The following DNASE2 variants were observed in gnomAD, a reference collection of about 807,000 sequenced individuals.
DNASE2 encodes deoxyribonuclease-2-alpha.
Under a neutral mutation model 29.8 loss-of-function variants are expected in DNASE2, and 26 were observed. That is an observed-to-expected ratio of 0.87 (90% CI 0.64 to 1.21). The LOEUF is 1.21. Ranked by LOEUF, DNASE2 falls within the 50% of genes most tolerant of loss-of-function variation. The probability of loss-of-function intolerance (pLI) is 0.00; values close to 1 mark genes in which losing one functional copy is unlikely to be tolerated. For missense variants in DNASE2, 415 were observed against 455.6 expected (o/e 0.91, Z 0.81); for synonymous variants, 186 against 193.5 (o/e 0.96, Z 0.32).
Position 12,880,810 on chromosome 19 carries a change from T to C in DNASE2, c.338A>G (p.His113Arg). The C allele has an allele frequency of 6.2e-7, 1 of 1,614,216 alleles. No individual in the cohort carries two copies. The highest frequency in any genetic ancestry group is 8.5e-7 in the Non-Finnish European group (1 of 1,180,020). The change falls in exon 3 of 6, where the codon CAC becomes CGC. Residue 113 changes from histidine (H) to arginine (R), a missense_variant. Coordinates refer to ENST00000222219, the MANE Select transcript of DNASE2 (RefSeq NM_001375.3). ...SKAQDSSMRG[H>R]TKGVLLLDHD... ...CCCAATCCAGGCCTCACCCTTCGTG[T>C]GCCCACGCATGGAAGAGTCCTGAGC...
intron 5 of DNASE2, 31 bp downstream of exon 5, chr19:12,878,351 G>A (rs1056699939): frequency 3.7e-6 from 6 of 1,611,708 alleles, no homozygotes; most frequent in Non-Finnish European, 5.1e-6. Flanking sequence ...TGCAGAGAAG[G>A]AGCTCTCCAA....
chr19:12,880,967 T>C lies in DNASE2; in HGVS notation c.267+5A>G. On this transcript the variant is annotated splice_donor_5th_base_variant and intron_variant, in intron 2 of 5. Coordinates refer to ENST00000222219, the MANE Select transcript of DNASE2 (RefSeq NM_001375.3). ...CGCCCCTAGTTGGCCCGGGGCCCCC[T>C]TCACCTGGCTGGTGTTGCTCCGGTA... 4 of 1,614,190 alleles carry C rather than the reference T, an allele frequency of 2.5e-6. No individual in the cohort carries two copies. Among genetic ancestry groups the C allele is most frequent in the Non-Finnish European group, 3.4e-6 (4 of 1,180,036 alleles).
At position 12,875,976 on chromosome 19, in the gene DNASE2, C is replaced by A; in HGVS notation, c.*14G>T. The A allele has an allele frequency of 6.2e-7, 1 of 1,612,264 alleles. No homozygotes were observed. Among genetic ancestry groups the A allele is most frequent in the Non-Finnish European group, 8.5e-7 (1 of 1,180,018 alleles). ...GGGATTACATACGTGAGCCACTGCA[C>A]CTGGCCATAAGGGTTAGATCTTATA... is the stretch of plus-strand genomic sequence containing the variant. On this transcript the variant is annotated 3_prime_UTR_variant, in exon 6 of 6. Coordinates refer to ENST00000222219, the MANE Select transcript of DNASE2 (RefSeq NM_001375.3).
At chr19:12,878,644 C>T (rs780051331) in intron 4 of DNASE2, 26 bp downstream of exon 4, 54 of 1,613,818 alleles carry the variant, frequency 3.3e-5, no homozygotes, top group Non-Finnish European at 4.1e-5. Flanking sequence ...ACCCAGGACT[C>T]ATCCTGTGTC....
Position 12,875,814 on chromosome 19 carries a change from G to A in DNASE2, c.*176C>T. On this transcript the variant is annotated 3_prime_UTR_variant, in exon 6 of 6. Coordinates refer to ENST00000222219, the MANE Select transcript of DNASE2 (RefSeq NM_001375.3). The stretch of plus-strand genomic sequence containing the variant: ...AATCGATCCTCTGGCTTCAGTGGCT[G>A]GGACTACAGGCATTTATCACCGTGC... 2.9e-6 allele frequency: 2 copies of A among 692,730 alleles called. No individual in the cohort carries two copies. The highest frequency in any genetic ancestry group is 4.1e-4 in the Middle Eastern group (1 of 2,430). The allele number at this position is 692,730 out of a possible 1,614,324, so 42.9% of individuals were successfully genotyped here.
Position 12,875,800 on chromosome 19 carries a change from T to C in DNASE2, c.*190A>G, listed in dbSNP as rs1599595629. 5 of 589,804 alleles carry C rather than the reference T, an allele frequency of 8.5e-6. No individual in the cohort carries two copies. The East Asian group carries it at 1.6e-4, about 19-fold the overall frequency. The allele number at this position is 589,804 out of a possible 1,614,324, so 36.5% of individuals were successfully genotyped here. A position where few individuals can be genotyped will look rare whatever the true frequency, so the allele number is the denominator to read the frequency against. On this transcript the variant is annotated 3_prime_UTR_variant, in exon 6 of 6. Coordinates refer to ENST00000222219, the MANE Select transcript of DNASE2 (RefSeq NM_001375.3). The stretch of plus-strand genomic sequence containing the variant: ...GATCTCCCTGGTTCAATCGATCCTC[T>C]GGCTTCAGTGGCTGGGACTACAGGC...
At chr19:12,878,328 C>T (rs1970341550) in intron 5 of DNASE2, 54 bp downstream of exon 5, 1 of 1,607,126 alleles carries the variant, frequency 6.2e-7, no homozygotes. Context: ...ATGGCCACAC[C>T]AGTCACCCTG....
Position 12,880,747 on chromosome 19 carries a change from T to C in DNASE2, c.346+55A>G, listed in dbSNP as rs552520047. ...CCGACCACCCCATGCACGTCAGGGG[T>C]TACCTTGGAAAAATGGGACCCGAGT... On this transcript the variant is annotated intron_variant, in intron 3 of 5. Transcript: ENST00000222219. 9.9e-6 allele frequency: 16 copies of C among 1,610,158 alleles called. No homozygotes were observed. In the Admixed American group the frequency reaches 2.3e-4, roughly 23 times the overall value.
Position 12,881,043 on chromosome 19 carries a change from C to A in DNASE2, c.196G>T (p.Ala66Ser). The A allele has an allele frequency of 6.2e-7, 1 of 1,613,402 alleles. No homozygotes were observed. Among genetic ancestry groups the A allele is most frequent in the Non-Finnish European group, 8.5e-7 (1 of 1,180,002 alleles). The change falls in exon 2 of 6, where the codon GCA (alanine) becomes TCA (serine). Residue 66 changes from alanine to serine, a missense_variant. By Grantham distance (99) the Ala-to-Ser change is moderately conservative. Transcript: ENST00000222219. ...GCCCCCTCCGGGCTGTTGATGAGTG[C>A]CCTGCCGTCCCGCCAGCCTCCGGAG... ...ESSGGWRDGR[A>S]LINSPEGAVG...
chr19:12,876,191 G>A lies in DNASE2; in HGVS notation c.882C>T (p.Asp294=). The change falls in exon 6 of 6, where the codon GAC becomes GAT. Residue 294 remains aspartate (D), a synonymous_variant. Coordinates refer to ENST00000222219, the MANE Select transcript of DNASE2 (RefSeq NM_001375.3). ...TTGGGGACACGCACCATTTGGAGTG[G>A]TCCTCTGTGCTGTTGAAGCTTGGGC... ...PAGPSFNSTE[D]HSKWCVSPKG... The A allele has an allele frequency of 1.2e-6, 2 of 1,614,222 alleles. No homozygotes were observed. Among genetic ancestry groups the A allele is most frequent in the Non-Finnish European group, 8.5e-7 (1 of 1,180,046 alleles).
In DNASE2 at chr19:12,881,073, C is replaced by T. The variant is rs539187149; in HGVS notation, c.166G>A (p.Glu56Lys). ...CCGTCCCGCCAGCCTCCGGAGCTCT[C>T]GTCCAGATACTTGTACTGCAGCCCT... is the stretch of plus-strand genomic sequence containing the variant. Reference protein sequence around the residue: ...QRGLQYKYLDESSGGWRDGRA... With the variant: ...QRGLQYKYLDKSSGGWRDGRA... The change falls in exon 2 of 6, where the codon GAG (glutamate) becomes AAG (lysine). Residue 56 changes from glutamate to lysine, a missense_variant. Glu to Lys is a moderately conservative substitution (Grantham distance 56). Transcript: ENST00000222219. 3.1e-6 allele frequency: 5 copies of T among 1,612,544 alleles called. No individual in the cohort carries two copies. The highest frequency in any genetic ancestry group is 2.5e-6 in the Non-Finnish European group (3 of 1,180,008).
intron 3 of DNASE2, 36 bp downstream of exon 3, chr19:12,880,766 C>T: frequency 6.2e-7 from 1 of 1,613,704 alleles, no homozygotes; most frequent in Non-Finnish European, 8.5e-7. Flanking sequence ...AAAAATGGGA[C>T]CCGAGTCTCT....
intron 3 of DNASE2, among the ~76,000 whole-genome samples, 189 bp from the exon 4 acceptor site, chr19:12,879,023 A>T (rs556431941): frequency 2.0e-5 from 3 of 151,814 alleles, no homozygotes; most frequent in Non-Finnish European, 4.4e-5. Flanking sequence ...GACGCCTGTA[A>T]TCCCAGCTAC....
At position 12,878,495 on chromosome 19, in the gene DNASE2, T is replaced by G; in HGVS notation, c.596A>C (p.Asn199Thr). The stretch of plus-strand genomic sequence containing the variant: ...GCTAACGTGGTGGCCCTTGACCACA[T>G]TCTCCAAGTCGGGGAATTCCTGGGC... ...IFAQEFPDLE[N>T]VVKGHHVSQE... The change falls in exon 5 of 6, where the codon AAT (asparagine) becomes ACT (threonine). Residue 199 changes from asparagine (N) to threonine (T), a missense_variant. Asn to Thr is a moderately conservative substitution (Grantham distance 65, BLOSUM62 0). Coordinates refer to ENST00000222219, the MANE Select transcript of DNASE2 (RefSeq NM_001375.3). 6.2e-7 allele frequency: 1 copy of G among 1,614,136 alleles called. No individual in the cohort carries two copies. Among genetic ancestry groups the G allele is most frequent in the Non-Finnish European group, 8.5e-7 (1 of 1,180,040 alleles).
rs1970341809 is a variant in DNASE2 at position 12,878,362 on chromosome 19, C to G, written c.709+20G>C. The G allele has an allele frequency of 6.2e-7, 1 of 1,612,258 alleles. No homozygotes were observed. Among genetic ancestry groups the G allele is most frequent in the Non-Finnish European group, 8.5e-7 (1 of 1,179,988 alleles). On this transcript the variant is annotated intron_variant, in intron 5 of 5. Coordinates refer to ENST00000222219, the MANE Select transcript of DNASE2 (RefSeq NM_001375.3). ...TGTCTGCAGAGAAGGAGCTCTCCAA[C>G]CCTCAACCTTGAGACTCACCATCTC...
chr19:12,877,422 T>A (rs759414830), intron 5 of DNASE2, among the ~76,000 whole-genome samples: 2 of 151,888 alleles, frequency 1.3e-5, no homozygotes, highest in Non-Finnish European at 2.9e-5. Flanking sequence ...ATTTTTTTTG[T>A]AGAGATGGGG....
Position 12,881,019 on chromosome 19 carries a change from C to A in DNASE2, c.220G>T (p.Ala74Ser), listed in dbSNP as rs1213038782. 1.2e-6 allele frequency: 2 copies of A among 1,613,944 alleles called. No individual in the cohort carries two copies. The highest frequency in any genetic ancestry group is 1.7e-6 in the Non-Finnish European group (2 of 1,180,016). Reference protein sequence around the residue: ...GRALINSPEGAVGRSLQPLYR... With the variant: ...GRALINSPEGSVGRSLQPLYR... Reference sequence around the variant, plus strand: ...AGCGGCTGCAGGCTTCGGCCCACGGCCCCCTCCGGGCTGTTGATGAGTGCC... The same window carrying A: ...AGCGGCTGCAGGCTTCGGCCCACGGACCCCTCCGGGCTGTTGATGAGTGCC... The change falls in exon 2 of 6, where the codon GCC becomes TCC. Residue 74 changes from alanine (A) to serine (S), a missense_variant. By Grantham distance (99) the Ala-to-Ser change is moderately conservative (BLOSUM62 1). Transcript: ENST00000222219.
At position 12,878,854 on chromosome 19, in the gene DNASE2, T is replaced by C; in HGVS notation, c.347-20A>G. The C allele has an allele frequency of 6.2e-7, 1 of 1,608,318 alleles. No homozygotes were observed. Among genetic ancestry groups the C allele is most frequent in the African/African-American group, 1.3e-5 (1 of 74,772 alleles). On this transcript the variant is annotated intron_variant, in intron 3 of 5. Coordinates refer to ENST00000222219, the MANE Select transcript of DNASE2 (RefSeq NM_001375.3). ...GGACACCTGGACCAAAAGAAGGCATTAGGGGAGGTCGGGCGCAGTGGCTCA... is the reference window on the plus strand; with the variant it reads ...GGACACCTGGACCAAAAGAAGGCATCAGGGGAGGTCGGGCGCAGTGGCTCA...
intron 5 of DNASE2, 82 bp downstream of exon 5, chr19:12,878,300 G>A (rs940927001): frequency 1.5e-5 from 24 of 1,551,076 alleles, no homozygotes; most frequent in East Asian, 2.2e-5. Context: ...GGTCTCTACC[G>A]CTGACTTGAA....
Sources: gnomAD v4.1 joint callset for allele counts (sites outside exome capture counted in the v4.1 genomes callset) on GRCh38, gnomAD v4.1.1 for gene constraint, MANE v1.5 for transcripts, NCBI Gene and HGNC (gene_info 2026-07-23, HGNC 2026-07-21) for gene names.